BUD23: variants seen among roughly 807,000 people sequenced by gnomAD.
BUD23 encodes 18S rRNA (guanine-N(7))-methyltransferase.
BUD23 carries 34 observed loss-of-function variants against 47.0 expected under a neutral mutation model. That is an observed-to-expected ratio of 0.72 (90% CI 0.55 to 0.96). BUD23 has a LOEUF of 0.96. BUD23 is among the 40% of genes least tolerant of loss of function. BUD23 has a pLI of 0.00. For synonymous variants in BUD23, 124 were observed against 132.0 expected (o/e 0.94, Z 0.41); for missense variants, 343 against 361.2 (o/e 0.95, Z 0.41).
At position 73,687,094 on chromosome 7, in the gene BUD23, A is replaced by G; in HGVS notation, c.361A>G (p.Ser121Gly). ...GCCAGGCACATTTGATGGTTGCATC[A>G]GGTGAGGGTCTTTAATTCCTGCTTT... ...FKPGTFDGCI[S>G]ISAVQWLCNA... The change falls in exon 5 of 12, where the codon AGC becomes GGC. Residue 121 changes from serine (S) to glycine (G), a missense_variant and splice_region_variant. Transcript: ENST00000265758. The G allele has an allele frequency of 6.2e-7, 1 of 1,613,370 alleles. No individual in the cohort carries two copies. Among genetic ancestry groups the G allele is most frequent in the Non-Finnish European group, 8.5e-7 (1 of 1,180,004 alleles).
chr7:73,692,804 C>T (rs1356877019), intron 7 of BUD23, 158 bp downstream of exon 7: 2 of 666,838 alleles, frequency 3.0e-6, no homozygotes, highest in East Asian at 2.8e-5. Context: ...ACCTGATATC[C>T]TAAGGGGGTG....
Position 73,697,948 on chromosome 7 carries a change from A to G in BUD23, c.*62A>G. The G allele has an allele frequency of 1.3e-6, 2 of 1,544,782 alleles. No homozygotes were observed. The highest frequency in any genetic ancestry group is 1.7e-6 in the Non-Finnish European group (2 of 1,146,762). On this transcript the variant is annotated 3_prime_UTR_variant, in exon 12 of 12. Transcript: ENST00000265758. ...ACTTTTCTATATTGTTCAGCTGACA[A>G]AGTAGTATTTTAGAAAAGTTCTAAA...
intron 7 of BUD23, chr7:73,692,857 A>G: frequency 1.8e-6 from 1 of 570,498 alleles, no homozygotes; most frequent in Non-Finnish European, 3.1e-6. Context: ...TTGGCAGATG[A>G]CATGGTATTA....
At chr7:73,687,214 A>T (rs1292808974) in intron 5 of BUD23, 119 bp downstream of exon 5, 6 of 1,049,710 alleles carry the variant, frequency 5.7e-6, no homozygotes, top group Non-Finnish European at 8.3e-6. Flanking sequence ...TCCTGGGTTC[A>T]GGTGATCTGC....
chr7:73,685,741 G>A (rs899384710), intron 2 of BUD23, among the ~76,000 whole-genome samples: 4 of 151,708 alleles, frequency 2.6e-5, no homozygotes, highest in Non-Finnish European at 5.9e-5. Context: ...ATGTTGAAGT[G>A]ATATTTTGAA....
chr7:73,690,718 G>A (rs1798158282), intron 5 of BUD23, among the ~76,000 whole-genome samples, 198 bp from the exon 6 acceptor site: 1 of 152,110 alleles, frequency 6.6e-6, no homozygotes, highest in African/African-American at 2.4e-5. Flanking sequence ...AGGCAATTCT[G>A]TCTTGGCCTC....
At chr7:73,689,346 C>G (rs1464929647) in intron 5 of BUD23, among the ~76,000 whole-genome samples, 1 of 152,044 alleles carries the variant, frequency 6.6e-6, no homozygotes, top group Non-Finnish European at 1.5e-5. Context: ...CGCACCCGGC[C>G]CAGACTTTTT....
At chr7:73,697,082 G>T in intron 10 of BUD23, 1 of 262,818 alleles carries the variant, frequency 3.8e-6, no homozygotes, top group Non-Finnish European at 7.4e-6. Context: ...GGCTTGCCCT[G>T]TCTCTGGTTT....
In BUD23 at chr7:73,697,650, G is replaced by A. The variant is rs1554615090; in HGVS notation, c.747G>A (p.Arg249=). The A allele has an allele frequency of 6.2e-7, 1 of 1,613,578 alleles. No individual in the cohort carries two copies. Among genetic ancestry groups the A allele is most frequent in the African/African-American group, 1.3e-5 (1 of 74,914 alleles). ...MSRRGMVRKS[R]AWVLEKKERH... ...GGCGGGGAATGGTGAGGAAGAGTCG[G>A]GCATGGGTGCTGGAGAAGAAGGAGC... The change falls in exon 11 of 12, where the codon CGG becomes CGA. Residue 249 remains arginine (R), a synonymous_variant. Transcript: ENST00000265758.
intron 2 of BUD23, among the ~76,000 whole-genome samples, chr7:73,684,923 CAAAAAA>C (rs56229090): frequency 4.3e-4 from 21 of 49,138 alleles, no homozygotes; most frequent in African/African-American, 7.9e-4. Flanking sequence ...GACTTTGTTT[CAAAAAA>C]AAAAAAAAAA....
intron 10 of BUD23, 65 bp from the exon 11 acceptor site, chr7:73,697,540 G>A (rs540914886): frequency 1.2e-6 from 2 of 1,611,374 alleles, no homozygotes; most frequent in African/African-American, 1.3e-5. Flanking sequence ...GGATTCACAT[G>A]GGGGCCAGTC....
intron 1 of BUD23, 26 bp downstream of exon 1, chr7:73,683,699 C>T: frequency 6.2e-7 from 1 of 1,613,962 alleles, no homozygotes; most frequent in Non-Finnish European, 8.5e-7. Context: ...CGCGGACACC[C>T]CTCTCCCCAC....
At chr7:73,691,257 T>C (rs543652594) in intron 6 of BUD23, among the ~76,000 whole-genome samples, 1 of 152,300 alleles carries the variant, frequency 6.6e-6, no homozygotes, top group South Asian at 2.1e-4. Flanking sequence ...GAGACCAATT[T>C]ATTAACTTGT....
chr7:73,687,256 A>G (rs1584215181), intron 5 of BUD23, among the ~76,000 whole-genome samples, 161 bp downstream of exon 5: 1 of 152,254 alleles, frequency 6.6e-6, no homozygotes, highest in African/African-American at 2.4e-5. Context: ...CTGGGACTAC[A>G]GGCCCACACC....
At chr7:73,684,042 G>A (rs1797839577) in intron 2 of BUD23, 1 of 1,383,510 alleles carries the variant, frequency 7.2e-7, no homozygotes, top group Non-Finnish European at 9.5e-7. Flanking sequence ...GGTTTTCAAA[G>A]TCGAATGTGA....
At chr7:73,691,099 T>C in intron 6 of BUD23, 87 bp downstream of exon 6, 4 of 1,213,360 alleles carry the variant, frequency 3.3e-6, no homozygotes, top group Non-Finnish European at 3.7e-6. Flanking sequence ...AGGTGTCCCA[T>C]GATGGGTAAG....
At position 73,693,892 on chromosome 7, in the gene BUD23, C is replaced by T. The variant is rs887955958; in HGVS notation, c.643-100C>T. ...TCCTTCTCGTGGGACTGGACCTCGT[C>T]CCTGTCGGAAGGGTCAGGCCTGGGT... On this transcript the variant is annotated intron_variant, in intron 9 of 11. Transcript: ENST00000265758. 8.8e-5 allele frequency: 130 copies of T among 1,481,618 alleles called. 1 individual carries two copies. The African/African-American group carries it at 1.5e-3, about 17-fold the overall frequency. 91.8% of individuals were successfully genotyped at this position (1,481,618 alleles called of 1,614,324 possible). A position where few individuals can be genotyped will look rare whatever the true frequency, so the allele number is the denominator to read the frequency against.
At chr7:73,693,819 C>A in intron 9 of BUD23, 150 bp downstream of exon 9, 1 of 1,348,612 alleles carries the variant, frequency 7.4e-7, no homozygotes, top group South Asian at 1.2e-5. Flanking sequence ...CCTCTGGAAT[C>A]TGGAGGCAGA....
chr7:73,693,235 C>A, intron 7 of BUD23, 94 bp from the exon 8 acceptor site: 1 of 1,188,862 alleles, frequency 8.4e-7, no homozygotes, highest in Non-Finnish European at 1.2e-6. Flanking sequence ...AGGATTTGTC[C>A]TGGAGCAGAC....
Sources: gnomAD v4.1 joint callset for allele counts (sites outside exome capture counted in the v4.1 genomes callset) on GRCh38, gnomAD v4.1.1 for gene constraint, MANE v1.5 for transcripts, NCBI Gene and HGNC (gene_info 2026-07-23, HGNC 2026-07-21) for gene names.